Variants in PRKN observed in about 807,000 individuals in gnomAD.
PRKN encodes E3 ubiquitin-protein ligase parkin.
In PRKN, 56 loss-of-function variants were observed where a neutral mutation model predicts 59.5. The ratio of observed to expected loss-of-function variants is 0.94; its 90% CI spans 0.76 to 1.18. The LOEUF is 1.18. Ranked by LOEUF, PRKN falls within the 50% of genes most tolerant of loss-of-function variation. The pLI is 0.00. For synonymous variants in PRKN, 250 were observed against 222.1 expected (o/e 1.13, Z -1.12); for missense variants, 657 against 596.4 (o/e 1.10, Z -1.06).
At chr6:162,391,418 C>T (rs932481233) in intron 2 of PRKN, among the ~76,000 whole-genome samples, 1 of 137,242 alleles carries the variant, frequency 7.3e-6, no homozygotes, top group Non-Finnish European at 1.6e-5. Context: ...CAATGACTTC[C>T]TCCTGGAAGA....
At chr6:161,738,104 T>A (rs1788039564) in intron 7 of PRKN, among the ~76,000 whole-genome samples, 1 of 152,158 alleles carries the variant, frequency 6.6e-6, no homozygotes, top group African/African-American at 2.4e-5. Context: ...AAAAGTAGAT[T>A]TTTCTTAAAA....
At chr6:161,496,844 C>A (rs764732165) in intron 9 of PRKN, among the ~76,000 whole-genome samples, 2 of 152,180 alleles carry the variant, frequency 1.3e-5, no homozygotes, top group African/African-American at 4.8e-5. Context: ...GACACAGCCA[C>A]AAGCCAAGGA....
At chr6:161,847,593 C>CTT (rs11395343) in intron 6 of PRKN, among the ~76,000 whole-genome samples, 10 of 146,954 alleles carry the variant, frequency 6.8e-5, no homozygotes, top group African/African-American at 1.7e-4. Context: ...TAGTCTTTGC[C>CTT]TTTTTTTTTT....
chr6:161,882,715 A>G (rs1009607335), intron 6 of PRKN, among the ~76,000 whole-genome samples: 3 of 151,800 alleles, frequency 2.0e-5, no homozygotes, highest in African/African-American at 7.3e-5. Flanking sequence ...TTAAGATACA[A>G]CTCCACGGCT....
chr6:162,176,386 G>T (rs562247966), intron 4 of PRKN, among the ~76,000 whole-genome samples: 10 of 152,142 alleles, frequency 6.6e-5, no homozygotes, highest in Non-Finnish European at 1.2e-4. Flanking sequence ...ACACCGTCTC[G>T]TGGATAATAC....
intron 1 of PRKN, among the ~76,000 whole-genome samples, chr6:162,466,856 C>T (rs772745835): frequency 6.6e-6 from 1 of 151,822 alleles, no homozygotes; most frequent in Non-Finnish European, 1.5e-5. Flanking sequence ...TAATTCATCA[C>T]TGCTAAGTAA....
At chr6:162,290,856 G>T (rs1289108766) in intron 2 of PRKN, among the ~76,000 whole-genome samples, 1 of 152,142 alleles carries the variant, frequency 6.6e-6, no homozygotes, top group East Asian at 1.9e-4. Context: ...CAACTTTTCA[G>T]GATAATCACA....
At chr6:162,317,897 G>A (rs1391995742) in intron 2 of PRKN, among the ~76,000 whole-genome samples, 1 of 151,370 alleles carries the variant, frequency 6.6e-6, no homozygotes, top group African/African-American at 2.4e-5. Flanking sequence ...TGGTTCTGAA[G>A]TTTTTTTAAC....
chr6:162,450,405 A>ATTGTAACACCCCTG (rs1562774280), intron 1 of PRKN, among the ~76,000 whole-genome samples: 9 of 123,702 alleles, frequency 7.3e-5, no homozygotes, highest in African/African-American at 3.4e-4. Flanking sequence ...AAACGCCCCT[A>ATTGTAACACCCCTG]TGATTGTAAC....
intron 4 of PRKN, among the ~76,000 whole-genome samples, chr6:162,108,733 T>C (rs1221412345): frequency 1.3e-5 from 2 of 152,196 alleles, no homozygotes; most frequent in African/African-American, 2.4e-5. Context: ...ATGAGGATTT[T>C]CCTGCATTCA....
rs1562560707 is a variant in PRKN, at chr6:161,614,996, AGAG to A, written c.872-45583_872-45581del. On this transcript the variant is annotated intron_variant, in intron 7 of 11. Coordinates refer to ENST00000366898, the MANE Select transcript of PRKN (RefSeq NM_004562.3). ...GAGAGAGAGAGAGAGAGAGAGAGAG[AGAG>A]AACACTGAAACTGTATATTTCTATG... Among the ~76,000 whole-genome samples the A allele has an allele frequency of 4.6e-3, 626 of 137,302 alleles. 4 individuals carry two copies. Among genetic ancestry groups the A allele is most frequent in the African/African-American group, 0.017 (599 of 35,724 alleles). The allele number at this position is 137,302 out of a possible 152,430, so 90.1% of individuals were successfully genotyped here.
intron 6 of PRKN, among the ~76,000 whole-genome samples, chr6:161,871,560 A>G (rs1157870772): frequency 6.6e-6 from 1 of 152,228 alleles, no homozygotes; most frequent in Non-Finnish European, 1.5e-5. Flanking sequence ...TCTACAAAGA[A>G]TGATAGGATA....
intron 2 of PRKN, among the ~76,000 whole-genome samples, chr6:162,370,595 T>G (rs1027274209): frequency 1.3e-5 from 2 of 152,158 alleles, no homozygotes; most frequent in Non-Finnish European, 2.9e-5. Context: ...CTACTTAGAT[T>G]TCTTGGAGAA....
intron 7 of PRKN, among the ~76,000 whole-genome samples, chr6:161,692,414 C>T (rs1367877900): frequency 1.3e-5 from 2 of 152,202 alleles, no homozygotes; most frequent in East Asian, 3.9e-4. Context: ...AAAATAAGCA[C>T]ATGTTCTTCT....
rs897721846 is a variant in PRKN, at chr6:162,296,865, G to A, written c.172-34100C>T. 2.0e-5 allele frequency among the ~76,000 whole-genome samples: 3 copies of A among 152,204 alleles called. 1 individual carries two copies. Among genetic ancestry groups the A allele is most frequent in the South Asian group, 4.2e-4 (2 of 4,816 alleles). On this transcript the variant is annotated intron_variant, in intron 2 of 11. Transcript: ENST00000366898. ...TTACTGTTAACTAGAAAAAAGCATC[G>A]TTTCCATGCCACCTCAGCTTTCCAA...
chr6:162,597,618 G>A (rs773841913), intron 1 of PRKN, among the ~76,000 whole-genome samples: 3 of 152,058 alleles, frequency 2.0e-5, no homozygotes, highest in Non-Finnish European at 2.9e-5. Context: ...TTTCTGACAC[G>A]CTATTTATCT....
At chr6:161,821,719 C>CTTTTTTTTTTTTTTTTTTTT (rs531807176) in intron 6 of PRKN, among the ~76,000 whole-genome samples, 3 of 64,706 alleles carry the variant, frequency 4.6e-5, no homozygotes, top group Non-Finnish European at 5.7e-5. Flanking sequence ...CACTGGTGTT[C>CTTTTTTTTTTTTTTTTTTTT]TTTTTTTTTT....
At chr6:161,936,636 G>C (rs774326347) in intron 6 of PRKN, among the ~76,000 whole-genome samples, 3 of 152,090 alleles carry the variant, frequency 2.0e-5, no homozygotes, top group Non-Finnish European at 2.9e-5. Context: ...ACATGCCCAG[G>C]AAAGCTCCAC....
intron 1 of PRKN, among the ~76,000 whole-genome samples, chr6:162,575,137 G>A (rs565611313): frequency 3.2e-4 from 48 of 152,258 alleles, no homozygotes; most frequent in African/African-American, 1.1e-3. Flanking sequence ...TCTATGCCAT[G>A]GAGAAAATGA....
Sources: allele counts gnomAD v4.1 joint callset (sites outside exome capture counted in the v4.1 genomes callset), GRCh38; gene constraint gnomAD v4.1.1; transcripts MANE v1.5; gene names NCBI Gene and HGNC (gene_info 2026-07-23, HGNC 2026-07-21).